NAALADL2: variants seen among roughly 807,000 people sequenced by gnomAD.
NAALADL2 encodes N-acetylated alpha-linked acidic dipeptidase like 2, also known as inactive N-acetylated-alpha-linked acidic dipeptidase-like protein 2.
In NAALADL2, 76 loss-of-function variants were observed where a neutral mutation model predicts 87.2. The observed-to-expected ratio is 0.87, with a 90% CI of 0.72 to 1.05. The LOEUF is 1.05. Among genes scored for constraint, NAALADL2 ranks in the 50% least tolerant of loss-of-function variants. The pLI is 0.00. For missense variants in NAALADL2, 1,089 were observed against 945.8 expected, an observed-to-expected ratio of 1.15 and a Z score of -1.99; for synonymous variants, 354 against 331.0, an observed-to-expected ratio of 1.07 and a Z score of -0.75.
At chr3:174,829,914 C>G (rs2109364160) in intron 3 of NAALADL2, among the ~76,000 whole-genome samples, 1 of 138,320 alleles carries the variant, frequency 7.2e-6, no homozygotes, top group East Asian at 2.0e-4. Flanking sequence ...TAAATGTCTT[C>G]TTTTGAGAAG....
intron 3 of NAALADL2, among the ~76,000 whole-genome samples, chr3:174,766,234 C>T (rs1713786376): frequency 1.3e-5 from 2 of 152,218 alleles, no homozygotes; most frequent in South Asian, 4.1e-4. Flanking sequence ...TTTTGTCTTC[C>T]AGAAATCAGT....
chr3:175,488,178 C>T (rs1310591174), intron 9 of NAALADL2, among the ~76,000 whole-genome samples: 1 of 152,150 alleles, frequency 6.6e-6, no homozygotes, highest in Non-Finnish European at 1.5e-5. Flanking sequence ...GAATGTTTGA[C>T]ATAATTAGTA....
chr3:175,290,924 G>A (rs1755569869), intron 4 of NAALADL2, among the ~76,000 whole-genome samples: 1 of 151,956 alleles, frequency 6.6e-6, no homozygotes, highest in Admixed American at 6.6e-5. Flanking sequence ...ACTTCTTTGA[G>A]TATTTCCTCA....
At chr3:175,047,272 A>G (rs139597673) in intron 1 of NAALADL2, among the ~76,000 whole-genome samples, 1 of 152,176 alleles carries the variant, frequency 6.6e-6, no homozygotes, top group Non-Finnish European at 1.5e-5. Flanking sequence ...TAACATTCAC[A>G]TTGTCATTAT....
intron 1 of NAALADL2, among the ~76,000 whole-genome samples, chr3:174,538,255 G>A (rs888815668): frequency 6.6e-6 from 1 of 152,086 alleles, no homozygotes; most frequent in African/African-American, 2.4e-5. Flanking sequence ...AATTGAATGG[G>A]CCCCTCCTGT....
At chr3:175,025,216 T>A (rs1752065193) in intron 1 of NAALADL2, among the ~76,000 whole-genome samples, 3 of 152,088 alleles carry the variant, frequency 2.0e-5, no homozygotes, top group Admixed American at 2.0e-4. Flanking sequence ...AGGGTTTGAA[T>A]GTTTACGGTT....
intron 1 of NAALADL2, among the ~76,000 whole-genome samples, chr3:174,537,584 G>T (rs1233579956): frequency 1.3e-5 from 2 of 152,116 alleles, no homozygotes; most frequent in African/African-American, 4.8e-5. Flanking sequence ...AAACATACAA[G>T]TACAACATAG....
At chr3:174,869,249 G>C (rs1461337350) in intron 1 of NAALADL2, among the ~76,000 whole-genome samples, 1 of 152,114 alleles carries the variant, frequency 6.6e-6, no homozygotes, top group Non-Finnish European at 1.5e-5. Flanking sequence ...TAAAACAGTA[G>C]AAATTCTGTC....
intron 2 of NAALADL2, among the ~76,000 whole-genome samples, chr3:174,709,470 C>T (rs180986491): frequency 4.4e-3 from 672 of 152,182 alleles, no homozygotes; most frequent in Non-Finnish European, 8.2e-3. Context: ...AGGCCTAACA[C>T]TGAAAAACAA....
chr3:175,214,189 G>T (rs1742169923), intron 2 of NAALADL2, among the ~76,000 whole-genome samples: 1 of 152,070 alleles, frequency 6.6e-6, no homozygotes, highest in African/African-American at 2.4e-5. Context: ...TAATTTACAT[G>T]ACAGCATTTT....
intron 2 of NAALADL2, among the ~76,000 whole-genome samples, chr3:174,690,984 TG>T (rs1282194548): frequency 6.6e-6 from 1 of 152,220 alleles, no homozygotes; most frequent in East Asian, 1.9e-4. Context: ...TGACTTTGCT[TG>T]TGTTACTTTC....
At chr3:174,849,773 A>G (rs1436318867) in intron 3 of NAALADL2, among the ~76,000 whole-genome samples, 2 of 151,002 alleles carry the variant, frequency 1.3e-5, no homozygotes, top group Admixed American at 6.6e-5. Flanking sequence ...GCAAACACAT[A>G]CATTAGCCTA....
chr3:175,382,254 A>G (rs1042905477), intron 5 of NAALADL2, among the ~76,000 whole-genome samples: 3 of 152,202 alleles, frequency 2.0e-5, no homozygotes, highest in African/African-American at 7.2e-5. Flanking sequence ...TTCATGAAAC[A>G]GTATGACATT....
rs1226550845 is a variant in NAALADL2 at position 175,234,132 on chromosome 3, A to G, written c.747A>G (p.Glu249=). The change falls in exon 3 of 14, where the codon GAA becomes GAG. Residue 249 remains glutamate (E), a synonymous_variant. Coordinates refer to ENST00000454872, the MANE Select transcript of NAALADL2 (RefSeq NM_207015.3). The part of the protein sequence containing the change: ...CFHPNGQPCS[E]EARKDSSQDL... ...ATCCTAATGGCCAGCCTTGCAGTGA[A>G]GAAGCCAGAAAAGATAGCAGCCAAG... 6.2e-7 allele frequency: 1 copy of G among 1,613,930 alleles called. No homozygotes were observed. The highest frequency in any genetic ancestry group is 1.1e-5 in the South Asian group (1 of 91,082).
In NAALADL2 at chr3:175,141,151, T is replaced by G. The variant is rs556673644; in HGVS notation, c.545+43860T>G. Among the ~76,000 whole-genome samples, 8 of 152,274 alleles carry G rather than the reference T, an allele frequency of 5.3e-5. No homozygotes were observed. The South Asian group carries it at 8.3e-4, about 16-fold the overall frequency. ...ATGGAGAGTGTGTTCAGCACATGGC[T>G]TCCTGTTGTTAGCTCAGTCAAAGTC... is the stretch of plus-strand genomic sequence containing the variant. On this transcript the variant is annotated intron_variant, in intron 2 of 13. Transcript: ENST00000454872.
chr3:174,502,340 A>G (rs2108371551), intron 1 of NAALADL2, among the ~76,000 whole-genome samples: 1 of 152,282 alleles, frequency 6.6e-6, no homozygotes, highest in East Asian at 1.9e-4. Context: ...TTCACTTCAA[A>G]TTTACATTCG....
chr3:174,468,046 A>G (rs2108304018), intron 1 of NAALADL2, among the ~76,000 whole-genome samples: 1 of 152,320 alleles, frequency 6.6e-6, no homozygotes, highest in South Asian at 2.1e-4. Context: ...TCTCTTAAGC[A>G]AAAGCTGTCT....
chr3:175,551,413 G>A (rs898191948), intron 9 of NAALADL2, among the ~76,000 whole-genome samples: 7 of 152,076 alleles, frequency 4.6e-5, no homozygotes, highest in Admixed American at 1.3e-4. Context: ...TCTTACTCAT[G>A]TCAATTGGAT....
At chr3:175,452,892 C>G (rs928007225) in intron 6 of NAALADL2, among the ~76,000 whole-genome samples, 1 of 152,128 alleles carries the variant, frequency 6.6e-6, no homozygotes, top group African/African-American at 2.4e-5. Context: ...AGTCAATTCT[C>G]TGTTTCCTGG....
Sources: gnomAD v4.1 joint callset for allele counts (sites outside exome capture counted in the v4.1 genomes callset) on GRCh38, gnomAD v4.1.1 for gene constraint, MANE v1.5 for transcripts, NCBI Gene and HGNC (gene_info 2026-07-23, HGNC 2026-07-21) for gene names.